Variants in VTI1A observed in about 807,000 individuals in gnomAD.
VTI1A encodes the protein vesicle transport through interaction with t-SNAREs homolog 1A.
In VTI1A, 22 loss-of-function variants were observed where a neutral mutation model predicts 34.9. The observed-to-expected ratio is 0.63, with a 90% CI of 0.45 to 0.90. The LOEUF is 0.90. Among genes scored for constraint, VTI1A ranks in the 40% least tolerant of loss-of-function variants. The pLI, the probability that VTI1A is intolerant of heterozygous loss-of-function variation, is 0.00. For missense variants in VTI1A, 268 were observed against 275.6 expected, an observed-to-expected ratio of 0.97 and a Z score of 0.20; for synonymous variants, 87 against 97.3, an observed-to-expected ratio of 0.89 and a Z score of 0.62.
chr10:112,530,699 G>T (rs542104946), intron 4 of VTI1A, among the ~76,000 whole-genome samples: 1 of 152,254 alleles, frequency 6.6e-6, no homozygotes, highest in Non-Finnish European at 1.5e-5. Flanking sequence ...TTAATACAAG[G>T]TTCTCTTAAG....
chr10:112,531,254 C>T (rs1301668193), intron 4 of VTI1A, among the ~76,000 whole-genome samples: 2 of 152,040 alleles, frequency 1.3e-5, no homozygotes, highest in Non-Finnish European at 2.9e-5. Context: ...AACAGATTAC[C>T]TCTTGTATCA....
chr10:112,582,256 T>C (rs1843978470), intron 5 of VTI1A, among the ~76,000 whole-genome samples: 1 of 152,152 alleles, frequency 6.6e-6, no homozygotes, highest in South Asian at 2.1e-4. Flanking sequence ...TAATCCATCA[T>C]GCAGACCTCG....
intron 7 of VTI1A, among the ~76,000 whole-genome samples, chr10:112,727,347 T>C (rs1850069473): frequency 6.6e-6 from 1 of 152,042 alleles, no homozygotes; most frequent in Non-Finnish European, 1.5e-5. Flanking sequence ...ATTCAGTAAA[T>C]CTTTGCTGAA....
chr10:112,579,704 A>G (rs1843848831), intron 5 of VTI1A, among the ~76,000 whole-genome samples: 1 of 152,234 alleles, frequency 6.6e-6, no homozygotes, highest in Non-Finnish European at 1.5e-5. Context: ...AAGATCACCC[A>G]GAGAATACTA....
At chr10:112,691,667 C>T (rs1254102797) in intron 7 of VTI1A, among the ~76,000 whole-genome samples, 1 of 152,168 alleles carries the variant, frequency 6.6e-6, no homozygotes, top group East Asian at 1.9e-4. Flanking sequence ...AAAACCATCA[C>T]TCAGCATGTC....
intron 3 of VTI1A, among the ~76,000 whole-genome samples, chr10:112,494,526 C>T (rs1426884260): frequency 6.6e-6 from 1 of 151,770 alleles, no homozygotes; most frequent in African/African-American, 2.4e-5. Flanking sequence ...TCCTTCTTTC[C>T]TCCTCCTTTC....
chr10:112,708,131 T>C (rs1023483750), intron 7 of VTI1A, among the ~76,000 whole-genome samples: 1 of 152,252 alleles, frequency 6.6e-6, no homozygotes, highest in African/African-American at 2.4e-5. Context: ...TTCTCACTGG[T>C]ATCAGTGGGC....
chr10:112,568,170 G>T (rs1851978545), intron 5 of VTI1A, among the ~76,000 whole-genome samples: 1 of 150,744 alleles, frequency 6.6e-6, no homozygotes, highest in South Asian at 2.1e-4. Flanking sequence ...AAAAAAATAA[G>T]TTTGTGGTCT....
chr10:112,793,755 G>A (rs928875580), intron 7 of VTI1A, among the ~76,000 whole-genome samples: 10 of 152,160 alleles, frequency 6.6e-5, no homozygotes, highest in African/African-American at 1.4e-4. Context: ...TGTGTGCTCC[G>A]ATAGGAGGCA....
intron 6 of VTI1A, 95 bp downstream of exon 6, chr10:112,668,383 A>C: frequency 7.5e-7 from 1 of 1,331,732 alleles, no homozygotes; most frequent in Non-Finnish European, 1.1e-6. Context: ...AGGTAGATAT[A>C]TGTGTGTAAG....
At chr10:112,451,898 A>G (rs2134013120) in intron 1 of VTI1A, among the ~76,000 whole-genome samples, 1 of 152,386 alleles carries the variant, frequency 6.6e-6, no homozygotes, top group South Asian at 2.1e-4. Flanking sequence ...GGCTGTTGCT[A>G]CATTGTGAAA....
At chr10:112,841,008 GT>G in the VTI1A span, among the ~76,000 whole-genome samples, 1 of 152,202 alleles carries the variant, frequency 6.6e-6, no homozygotes, top group Non-Finnish European at 1.5e-5. Flanking sequence ...GCAGCCAGAA[GT>G]GGTGGTGATA....
intron 5 of VTI1A, among the ~76,000 whole-genome samples, chr10:112,654,583 C>T (rs1170614249): frequency 6.6e-6 from 1 of 152,136 alleles, no homozygotes; most frequent in Non-Finnish European, 1.5e-5. Context: ...AGCTCCACCT[C>T]CTGGGTTCAC....
chr10:112,672,197 G>A (rs1564877180), intron 7 of VTI1A, among the ~76,000 whole-genome samples: 1 of 152,072 alleles, frequency 6.6e-6, no homozygotes, highest in Non-Finnish European at 1.5e-5. Flanking sequence ...ATAGAAAATG[G>A]TATATGGAAT....
chr10:112,490,022 T>C (rs1178236823), intron 3 of VTI1A, among the ~76,000 whole-genome samples: 1 of 152,228 alleles, frequency 6.6e-6, no homozygotes, highest in Non-Finnish European at 1.5e-5. Context: ...CCTTGTTCTT[T>C]TTAACTCTCT....
At chr10:112,782,999 TAAC>T (rs986186524) in intron 7 of VTI1A, among the ~76,000 whole-genome samples, 3 of 152,114 alleles carry the variant, frequency 2.0e-5, no homozygotes, top group African/African-American at 7.2e-5. Flanking sequence ...GATGTTCAAA[TAAC>T]ACACACACAC....
chr10:112,567,329 T>C (rs1330766999), intron 5 of VTI1A, among the ~76,000 whole-genome samples: 1 of 152,172 alleles, frequency 6.6e-6, no homozygotes, highest in Non-Finnish European at 1.5e-5. Context: ...GCGCCGGCCA[T>C]AATTTACTTT....
chr10:112,571,446 C>T (rs1335028838), intron 5 of VTI1A, among the ~76,000 whole-genome samples: 1 of 152,162 alleles, frequency 6.6e-6, no homozygotes, highest in Non-Finnish European at 1.5e-5. Flanking sequence ...GATGCCATCT[C>T]ATGCCAGTCA....
chr10:112,752,473 C>T, intron 7 of VTI1A: 1 of 985,426 alleles, frequency 1.0e-6, no homozygotes, highest in African/African-American at 1.7e-5. Flanking sequence ...TCACCCACTG[C>T]ATTTCTGTTG....
Sources: gnomAD v4.1 joint callset for allele counts (sites outside exome capture counted in the v4.1 genomes callset) on GRCh38, gnomAD v4.1.1 for gene constraint, MANE v1.5 for transcripts, NCBI Gene and HGNC (gene_info 2026-07-23, HGNC 2026-07-21) for gene names.